The following ZNF354C variants were observed in gnomAD, a reference collection of about 807,000 sequenced individuals.
ZNF354C encodes KRAB-zinc finger protein synten.
ZNF354C carries 7 observed loss-of-function variants against 12.4 expected under a neutral mutation model. The observed-to-expected ratio is 0.56, with a 90% confidence interval of 0.32 to 1.06. ZNF354C has a LOEUF of 1.06. Among genes scored for constraint, ZNF354C ranks in the 50% least tolerant of loss-of-function variants. ZNF354C has a pLI of 0.04. For missense variants in ZNF354C, 609 were observed against 658.0 expected (o/e 0.93, Z 0.81); for synonymous variants, 202 against 224.5 (o/e 0.90, Z 0.90).
At position 179,076,466 on chromosome 5, in the gene ZNF354C, G is replaced by A; in HGVS notation, c.49G>A (p.Val17Met). Residue 17 changes from valine (V) to methionine (M), a missense_variant, in exon 3 of 5, where the codon GTG (valine) becomes ATG (methionine). Val to Met is a conservative substitution (Grantham distance 21). Coordinates refer to ENST00000315475, the MANE Select transcript of ZNF354C (RefSeq NM_014594.3). ...ACAGGAGCCTGTGACATTCAGGGAT[G>A]TGGCCGTGTTCTTCAGCCAGGACGA... is the stretch of plus-strand genomic sequence containing the variant. ...SAQEPVTFRD[V>M]AVFFSQDEWL... 1 of 1,614,224 alleles carries A rather than the reference G, an allele frequency of 6.2e-7. No homozygotes were observed. The highest frequency in any genetic ancestry group is 8.5e-7 in the Non-Finnish European group (1 of 1,180,036).
chr5:179,064,729 AT>A (rs1561747470), intron 2 of ZNF354C, among the ~76,000 whole-genome samples: 1 of 151,850 alleles, frequency 6.6e-6, no homozygotes, highest in Non-Finnish European at 1.5e-5. Context: ...AACCCTTTTG[AT>A]TAAGTCTCCT....
chr5:179,072,422 C>T (rs576494856), intron 2 of ZNF354C, among the ~76,000 whole-genome samples: 6 of 151,972 alleles, frequency 3.9e-5, no homozygotes, highest in Admixed American at 3.9e-4. Flanking sequence ...CCCTCAGTTA[C>T]CAATTAAATG....
intron 2 of ZNF354C, among the ~76,000 whole-genome samples, chr5:179,063,736 T>C (rs1284645372): frequency 1.3e-5 from 2 of 152,260 alleles, no homozygotes; most frequent in Non-Finnish European, 1.5e-5. Context: ...AGCAAGTAAC[T>C]TGATCAAGGT....
chr5:179,075,723 C>T (rs1018603101), intron 2 of ZNF354C, among the ~76,000 whole-genome samples: 1 of 152,102 alleles, frequency 6.6e-6, no homozygotes, highest in Non-Finnish European at 1.5e-5. Context: ...TCATATGAAT[C>T]AATAATATAT....
rs995830129 is a variant in ZNF354C, at chr5:179,081,797, G to A, written c.*1700G>A. 2.0e-5 allele frequency: 3 copies of A among 152,130 alleles called. No homozygotes were observed. The highest frequency in any genetic ancestry group is 7.2e-5 in the African/African-American group (3 of 41,418). The allele number at this position is 152,130 out of a possible 1,614,324, so 9.4% of individuals were successfully genotyped here. On this transcript the variant is annotated 3_prime_UTR_variant, in exon 5 of 5. Transcript: ENST00000315475. ...ATGTTTGGAGCAGGGGAAGTGGGTG[G>A]TGTGGCTAAAATACTTTTTATTAAG... is the stretch of plus-strand genomic sequence containing the variant.
chr5:179,069,239 C>G (rs13174687), intron 2 of ZNF354C, among the ~76,000 whole-genome samples: 100 of 152,268 alleles, frequency 6.6e-4, no homozygotes, highest in Middle Eastern at 6.8e-3. Context: ...AACCTTAAAT[C>G]TGATAAGAAA....
Position 179,082,622 on chromosome 5 carries a change from AT to A in ZNF354C, c.*2527del. ...GGAGATATTCAGAAACCTTCACCAG[AT>A]TCCTCCCAACTTGATCATAGTGGAT... On this transcript the variant is annotated 3_prime_UTR_variant, in exon 5 of 5. Transcript: ENST00000315475. The A allele has an allele frequency of 7.4e-7, 1 of 1,355,634 alleles. No individual in the cohort carries two copies. The highest frequency in any genetic ancestry group is 1.2e-5 in the South Asian group (1 of 85,510). 84.0% of individuals were successfully genotyped at this position (1,355,634 alleles called of 1,614,324 possible). A position where few individuals can be genotyped will look rare whatever the true frequency, so the allele number is the denominator to read the frequency against.
Position 179,082,815 on chromosome 5 carries a change from C to A in ZNF354C, c.*2718C>A, listed in dbSNP as rs150370351. The A allele has an allele frequency of 1.3e-4, 170 of 1,320,774 alleles. 6 individuals are homozygous for A. Among genetic ancestry groups the A allele is most frequent in the South Asian group, 1.0e-3 (87 of 85,052 alleles). The allele number at this position is 1,320,774 out of a possible 1,614,324, so 81.8% of individuals were successfully genotyped here. A position where few individuals can be genotyped will look rare whatever the true frequency, so the allele number is the denominator to read the frequency against. On this transcript the variant is annotated 3_prime_UTR_variant, in exon 5 of 5. Coordinates refer to ENST00000315475, the MANE Select transcript of ZNF354C (RefSeq NM_014594.3). ...GATGTTCTTCAAGCGACTGACCAACCGATCAGGTCGAGGAGCTGCAACAGC... is the reference window on the plus strand; with the variant it reads ...GATGTTCTTCAAGCGACTGACCAACAGATCAGGTCGAGGAGCTGCAACAGC...
chr5:179,082,969 GGAA>G lies in ZNF354C; in HGVS notation c.*2873_*2875del. 1 of 810,320 alleles carries G rather than the reference GGAA, an allele frequency of 1.2e-6. No homozygotes were observed. Among genetic ancestry groups the G allele is most frequent in the South Asian group, 1.5e-5 (1 of 65,778 alleles). The allele number at this position is 810,320 out of a possible 1,614,324, so 50.2% of individuals were successfully genotyped here. A position where few individuals can be genotyped will look rare whatever the true frequency, so the allele number is the denominator to read the frequency against. On this transcript the variant is annotated 3_prime_UTR_variant, in exon 5 of 5. Coordinates refer to ENST00000315475, the MANE Select transcript of ZNF354C (RefSeq NM_014594.3). The stretch of plus-strand genomic sequence containing the variant: ...AGGCCATCCTCAACTTCTTTCATAT[GGAA>G]AAAGAGCTTCTTGCTATCCCCTACT...
intron 4 of ZNF354C, among the ~76,000 whole-genome samples, chr5:179,077,809 C>CTTTTTTT (rs1422265959): frequency 1.6e-5 from 2 of 121,316 alleles, no homozygotes; most frequent in African/African-American, 2.9e-5. Context: ...CCCCCCACTC[C>CTTTTTTT]TTTTTTTTTT....
rs141680588 is a variant in ZNF354C at position 179,064,503 on chromosome 5, G to A, written c.27+2408G>A. On this transcript the variant is annotated intron_variant, in intron 2 of 4. Coordinates refer to ENST00000315475, the MANE Select transcript of ZNF354C (RefSeq NM_014594.3). Reference sequence around the variant, plus strand: ...GCCATCTCGGTTCACTGCAAGCTCCGCCTCCCGGGTTCACGCCATTCTCCT... The same window carrying A: ...GCCATCTCGGTTCACTGCAAGCTCCACCTCCCGGGTTCACGCCATTCTCCT... 8.0e-3 allele frequency among the ~76,000 whole-genome samples: 1,221 copies of A among 151,808 alleles called. 18 individuals carry two copies. The highest frequency in any genetic ancestry group is 0.027 in the African/African-American group (1,122 of 41,380).
Position 179,065,645 on chromosome 5 carries a change from G to T in ZNF354C, c.27+3550G>T, listed in dbSNP as rs568148966. ...TGGCTGGGCTGGTCTCGAACTCTTG[G>T]CCTCAAGTGATCCGCCTGCCTGGCC... On this transcript the variant is annotated intron_variant, in intron 2 of 4. Transcript: ENST00000315475. Among the ~76,000 whole-genome samples the T allele has an allele frequency of 3.0e-3, 461 of 152,162 alleles. 1 individual carries two copies. The highest frequency in any genetic ancestry group is 4.9e-3 in the Non-Finnish European group (332 of 68,016).
In ZNF354C at chr5:179,074,518, A is replaced by G. The variant is rs116706613; in HGVS notation, c.28-1927A>G. ...TTGCAACTGGCCTAAATGATTTGAC[A>G]GGACTTGCTTGATTACATAAAAAGG... On this transcript the variant is annotated intron_variant, in intron 2 of 4. Transcript: ENST00000315475. Among the ~76,000 whole-genome samples, 1,015 of 152,096 alleles carry G rather than the reference A, an allele frequency of 6.7e-3. 10 individuals are homozygous for G. The highest frequency in any genetic ancestry group is 0.022 in the African/African-American group (930 of 41,458).
chr5:179,076,297 C>A, intron 2 of ZNF354C, 148 bp from the exon 3 acceptor site: 1 of 1,133,266 alleles, frequency 8.8e-7, no homozygotes, highest in Non-Finnish European at 1.3e-6. Context: ...AATTAAATAG[C>A]TAATGGGTGG....
intron 2 of ZNF354C, among the ~76,000 whole-genome samples, chr5:179,065,293 T>C (rs1445775536): frequency 6.6e-6 from 1 of 152,240 alleles, no homozygotes; most frequent in Non-Finnish European, 1.5e-5. Flanking sequence ...GGATTCCACA[T>C]GACATTCAGT....
At chr5:179,078,364 G>A (rs1762159530) in intron 4 of ZNF354C, among the ~76,000 whole-genome samples, 1 of 152,112 alleles carries the variant, frequency 6.6e-6, no homozygotes, top group Non-Finnish European at 1.5e-5. Context: ...TATTCAGCGT[G>A]GGCTTATCAT....
rs866090463 is a variant in ZNF354C, at chr5:179,078,742, G to A, written c.310G>A (p.Glu104Lys). 9 of 1,612,596 alleles carry A rather than the reference G, an allele frequency of 5.6e-6. No homozygotes were observed. Among genetic ancestry groups the A allele is most frequent in the Non-Finnish European group, 7.6e-6 (9 of 1,179,686 alleles). The change falls in exon 5 of 5, where the codon GAA becomes AAA. Residue 104 changes from glutamate to lysine, a missense_variant. Coordinates refer to ENST00000315475, the MANE Select transcript of ZNF354C (RefSeq NM_014594.3). ...LPHRQDIFIE[E>K]TSQGMVKKES... Reference sequence around the variant, plus strand: ...TCATAGACAGGACATTTTTATAGAAGAAACATCTCAGGGAATGGTAAAGAA... The same window carrying A: ...TCATAGACAGGACATTTTTATAGAAAAAACATCTCAGGGAATGGTAAAGAA...
chr5:179,062,226 T>A, intron 2 of ZNF354C, 131 bp downstream of exon 2: 1 of 1,172,274 alleles, frequency 8.5e-7, no homozygotes, highest in Middle Eastern at 1.9e-4. Flanking sequence ...ACCTCAAAAG[T>A]TTTTCCCAGT....
Position 179,077,145 on chromosome 5 carries a change from G to C in ZNF354C, c.229G>C (p.Val77Leu), listed in dbSNP as rs750420157. The change falls in exon 4 of 5, where the codon GTC (valine) becomes CTC (leucine). Residue 77 changes from valine (V) to leucine (L), a missense_variant. Transcript: ENST00000315475. ...GEDPCMVERE[V>L]PSDTRLGFKT... is the part of the protein sequence containing the mutation. ...AGATCCCTGCATGGTGGAAAGAGAA[G>C]TCCCTTCAGATACCCGTCTAGGTAA... is the stretch of plus-strand genomic sequence containing the variant. 2 of 1,614,192 alleles carry C rather than the reference G, an allele frequency of 1.2e-6. No individual in the cohort carries two copies. The highest frequency in any genetic ancestry group is 1.1e-5 in the South Asian group (1 of 91,084).
Sources: gnomAD v4.1 joint callset for allele counts (sites outside exome capture counted in the v4.1 genomes callset) on GRCh38, gnomAD v4.1.1 for gene constraint, MANE v1.5 for transcripts, NCBI Gene and HGNC (gene_info 2026-07-23, HGNC 2026-07-21) for gene names.